The following NFIA variants were observed in gnomAD, a reference collection of about 807,000 sequenced individuals.
The protein encoded by NFIA is nuclear factor I A.
A neutral mutation model predicts 62.8 loss-of-function variants in NFIA; 8 were observed. The ratio of observed to expected loss-of-function variants is 0.13; its 90% confidence interval spans 0.07 to 0.23. The LOEUF is 0.23. Among genes scored for constraint, NFIA ranks in the 10% least tolerant of loss-of-function variants. The probability of loss-of-function intolerance (pLI) is 1.00; values close to 1 mark genes in which losing one functional copy is unlikely to be tolerated. For synonymous variants in NFIA, 235 were observed against 238.1 expected (o/e 0.99, Z 0.12); for missense variants, 410 against 642.1 (o/e 0.64, Z 3.91).
intron 3 of NFIA, among the ~76,000 whole-genome samples, chr1:61,286,938 T>C (rs1658538939): frequency 1.3e-5 from 2 of 152,128 alleles, no homozygotes; most frequent in African/African-American, 4.8e-5. Flanking sequence ...CCCTGAGACA[T>C]GCTGGAAGAA....
At chr1:61,148,732 TTCTC>T (rs1648185425) in intron 2 of NFIA, among the ~76,000 whole-genome samples, 1 of 152,236 alleles carries the variant, frequency 6.6e-6, no homozygotes, top group Admixed American at 6.5e-5. Context: ...TAGCAGCAGA[TTCTC>T]TTCCATTTAT....
At chr1:61,383,094 C>A in intron 6 of NFIA, 143 bp from the exon 7 acceptor site, 2 of 1,031,824 alleles carry the variant, frequency 1.9e-6, no homozygotes, top group Non-Finnish European at 2.9e-6. Flanking sequence ...GTGACAAATG[C>A]AAAGCAATTC....
chr1:61,275,291 T>G (rs1488145319), intron 2 of NFIA, among the ~76,000 whole-genome samples: 2 of 152,150 alleles, frequency 1.3e-5, no homozygotes, highest in Non-Finnish European at 2.9e-5. Flanking sequence ...CATCTTTTAT[T>G]GTTGTTCATG....
At chr1:61,300,262 C>CAT (rs1659425451) in intron 3 of NFIA, among the ~76,000 whole-genome samples, 1 of 152,024 alleles carries the variant, frequency 6.6e-6, no homozygotes, top group African/African-American at 2.4e-5. Flanking sequence ...CTTGCTTATG[C>CAT]GTTATCTCAT....
chr1:61,333,174 A>G (rs1661401889), intron 4 of NFIA, among the ~76,000 whole-genome samples: 1 of 152,182 alleles, frequency 6.6e-6, no homozygotes, highest in Non-Finnish European at 1.5e-5. Flanking sequence ...AGGTCCCAGT[A>G]AGAAGAAGGA....
chr1:61,300,701 A>G (rs933696755), intron 3 of NFIA, among the ~76,000 whole-genome samples: 1 of 149,664 alleles, frequency 6.7e-6, no homozygotes, highest in Non-Finnish European at 1.5e-5. Context: ...AGCTGGCTAT[A>G]TATGTGTATA....
intron 2 of NFIA, among the ~76,000 whole-genome samples, chr1:61,214,508 T>C (rs560569452): frequency 6.6e-6 from 1 of 152,326 alleles, no homozygotes; most frequent in East Asian, 1.9e-4. Context: ...CCACATATTA[T>C]TTGAGCTTCA....
At chr1:61,250,505 T>C (rs950993863) in intron 2 of NFIA, among the ~76,000 whole-genome samples, 1 of 152,194 alleles carries the variant, frequency 6.6e-6, no homozygotes, top group Non-Finnish European at 1.5e-5. Context: ...ATGGTATGTG[T>C]CATGAATATA....
intron 6 of NFIA, among the ~76,000 whole-genome samples, chr1:61,368,209 G>A (rs542046378): frequency 1.9e-4 from 29 of 152,290 alleles, no homozygotes; most frequent in Non-Finnish European, 3.7e-4. Flanking sequence ...AGGGGAGGAA[G>A]AAGGAGATGC....
chr1:61,200,364 C>T (rs1404570999), intron 2 of NFIA, among the ~76,000 whole-genome samples: 1 of 151,724 alleles, frequency 6.6e-6, no homozygotes, highest in East Asian at 1.9e-4. Flanking sequence ...TGAAAGTACC[C>T]ATTAGAGGTT....
At chr1:61,264,915 G>A (rs1245205536) in intron 2 of NFIA, among the ~76,000 whole-genome samples, 1 of 152,174 alleles carries the variant, frequency 6.6e-6, no homozygotes, top group Non-Finnish European at 1.5e-5. Flanking sequence ...GAGCACAGAA[G>A]CTCAGTGGTA....
intron 10 of NFIA, among the ~76,000 whole-genome samples, chr1:61,431,883 A>C (rs951974599): frequency 1.3e-5 from 2 of 152,234 alleles, no homozygotes; most frequent in African/African-American, 4.8e-5. Context: ...CCATCTGTGG[A>C]ACTCTTCATA....
chr1:61,405,515 A>G (rs1301948182), intron 8 of NFIA, among the ~76,000 whole-genome samples: 1 of 152,208 alleles, frequency 6.6e-6, no homozygotes, highest in Non-Finnish European at 1.5e-5. Context: ...AAAGCCTGGG[A>G]CAGCAGAATC....
At chr1:61,452,799 G>A (rs1266972890) in intron 10 of NFIA, among the ~76,000 whole-genome samples, 3 of 152,180 alleles carry the variant, frequency 2.0e-5, no homozygotes, top group Admixed American at 2.0e-4. Context: ...TGTGTGGTTA[G>A]CATTTAAATT....
intron 3 of NFIA, among the ~76,000 whole-genome samples, chr1:61,279,383 T>A (rs529031349): frequency 5.0e-4 from 76 of 151,230 alleles, no homozygotes; most frequent in African/African-American, 1.8e-3. Context: ...CAAAGTTGTC[T>A]TTTTAAAGCA....
In NFIA at chr1:61,383,476, T is replaced by C. The variant is rs898740817; in HGVS notation, c.1075+111T>C. On this transcript the variant is annotated intron_variant, in intron 7 of 10. Transcript: ENST00000403491. ...CCCTGAACACTCGTGAGGCAGTGAG[T>C]GTTCCAATTTCTTACCCTTGGGGGC... The C allele has an allele frequency of 2.2e-6, 3 of 1,335,912 alleles. No individual in the cohort carries two copies. In the African/African-American group the frequency reaches 4.4e-5, roughly 20 times the overall value. The allele number at this position is 1,335,912 out of a possible 1,614,324, so 82.8% of individuals were successfully genotyped here. A position where few individuals can be genotyped will look rare whatever the true frequency, so the allele number is the denominator to read the frequency against.
intron 10 of NFIA, among the ~76,000 whole-genome samples, chr1:61,436,377 C>T (rs74591387): frequency 5.3e-5 from 8 of 152,232 alleles, no homozygotes; most frequent in African/African-American, 1.9e-4. Flanking sequence ...GTGGTGTTCT[C>T]GCTGTCCACA....
chr1:61,101,178 C>A (rs927521407), intron 2 of NFIA, among the ~76,000 whole-genome samples: 28 of 151,932 alleles, frequency 1.8e-4, no homozygotes, highest in Non-Finnish European at 3.7e-4. Context: ...GGCACATCAC[C>A]TGAGGTCGGG....
At chr1:61,280,979 C>T (rs1462657668) in intron 3 of NFIA, among the ~76,000 whole-genome samples, 1 of 152,200 alleles carries the variant, frequency 6.6e-6, no homozygotes, top group Admixed American at 6.5e-5. Context: ...TGCAGTGGCT[C>T]ACGCCTATAA....
Sources: allele counts gnomAD v4.1 joint callset (sites outside exome capture counted in the v4.1 genomes callset), GRCh38; gene constraint gnomAD v4.1.1; transcripts MANE v1.5; gene names NCBI Gene and HGNC (gene_info 2026-07-23, HGNC 2026-07-21).